GABRA4: variants seen among roughly 807,000 people sequenced by gnomAD.
GABRA4 encodes the protein gamma-aminobutyric acid type A receptor subunit alpha4.
A neutral mutation model predicts 49.7 loss-of-function variants in GABRA4; 12 were observed. The observed-to-expected ratio is 0.24, with a 90% CI of 0.15 to 0.39. The LOEUF (loss-of-function observed/expected upper bound fraction) is 0.39, where lower values mean the gene tolerates loss of function less well. GABRA4 is among the 10% of genes least tolerant of loss of function. The pLI is 1.00. For missense variants in GABRA4, 506 were observed against 686.0 expected, an observed-to-expected ratio of 0.74 and a Z score of 2.93; for synonymous variants, 288 against 240.2, an observed-to-expected ratio of 1.20 and a Z score of -1.84.
chr4:46,947,673 CAGAATA>C (rs1422502919), intron 8 of GABRA4, among the ~76,000 whole-genome samples: 2 of 152,054 alleles, frequency 1.3e-5, no homozygotes, highest in East Asian at 3.9e-4. Context: ...GATGAACAAA[CAGAATA>C]AGAAAAAGTC....
At chr4:46,986,458 T>G (rs1723541080) in intron 2 of GABRA4, among the ~76,000 whole-genome samples, 1 of 152,122 alleles carries the variant, frequency 6.6e-6, no homozygotes, top group Non-Finnish European at 1.5e-5. Flanking sequence ...TATTTTACTT[T>G]AGTTTTATAC....
chr4:46,937,462 G>T (rs939140424), intron 8 of GABRA4, among the ~76,000 whole-genome samples: 1 of 151,974 alleles, frequency 6.6e-6, no homozygotes, highest in South Asian at 2.1e-4. Context: ...CCACCTCAAC[G>T]TATCACTCTT....
chr4:46,967,123 G>T (rs184679822), intron 7 of GABRA4, among the ~76,000 whole-genome samples: 2 of 151,538 alleles, frequency 1.3e-5, no homozygotes, highest in African/African-American at 4.8e-5. Flanking sequence ...ATTTAATGGG[G>T]TATTAAGAAT....
intron 8 of GABRA4, among the ~76,000 whole-genome samples, chr4:46,960,945 A>G (rs562945889): frequency 6.6e-6 from 1 of 151,980 alleles, no homozygotes; most frequent in Admixed American, 6.6e-5. Context: ...AGTTTCCATG[A>G]CAAGAATCTT....
In GABRA4 at chr4:46,928,099, T is replaced by C. The variant is rs1369553401; in HGVS notation, c.*126A>G. On this transcript the variant is annotated 3_prime_UTR_variant, in exon 9 of 9. Transcript: ENST00000264318. ...ATTAACTCTCCCAATAACTGGCTTATATCTTTAAATGGAAAAATTACACAG... is the reference window on the plus strand; with the variant it reads ...ATTAACTCTCCCAATAACTGGCTTACATCTTTAAATGGAAAAATTACACAG... The C allele has an allele frequency of 1.2e-6, 1 of 830,840 alleles. No homozygotes were observed. The highest frequency in any genetic ancestry group is 2.2e-5 in the South Asian group (1 of 46,368). The allele number at this position is 830,840 out of a possible 1,614,324, so 51.5% of individuals were successfully genotyped here. A position where few individuals can be genotyped will look rare whatever the true frequency, so the allele number is the denominator to read the frequency against.
intron 8 of GABRA4, among the ~76,000 whole-genome samples, chr4:46,964,289 G>T (rs142873028): frequency 6.6e-6 from 1 of 151,730 alleles, no homozygotes; most frequent in African/African-American, 2.4e-5. Context: ...TTTGGTGGAG[G>T]GAAGATGGGG....
In GABRA4 at chr4:46,928,375, T is replaced by A; in HGVS notation, c.1515A>T (p.Pro505=). 6.2e-7 allele frequency: 1 copy of A among 1,613,666 alleles called. No individual in the cohort carries two copies. Among genetic ancestry groups the A allele is most frequent in the Non-Finnish European group, 8.5e-7 (1 of 1,179,698 alleles). ...CAGATCCAGAAGGTGGTGGAGCCGA[T>A]GGAGGAGGAGTAGCTGACAACTTCC... ...ATGKLSATPP[P]SAPPPSGSGT... Residue 505 remains proline (P), a synonymous_variant, in exon 9 of 9, where the codon CCA becomes CCT. Transcript: ENST00000264318.
At chr4:46,965,312 A>G (rs1722716885) in intron 7 of GABRA4, 83 bp from the exon 8 acceptor site, 2 of 1,199,610 alleles carry the variant, frequency 1.7e-6, no homozygotes. Context: ...AAAAACCTAG[A>G]AAATCATGTG....
At position 46,977,052 on chromosome 4, in the gene GABRA4, A is replaced by G. The variant is rs753845049; in HGVS notation, c.577+9T>C. ...CATAAATTCTAGCAAAATTTTTATT[A>G]TAACTTACAACTCCCGAATTTCAAA... On this transcript the variant is annotated intron_variant, in intron 5 of 8. Transcript: ENST00000264318. The G allele has an allele frequency of 2.2e-5, 35 of 1,570,010 alleles. No homozygotes were observed. In the South Asian group the frequency reaches 3.4e-4, roughly 15 times the overall value.
chr4:46,991,311 T>G (rs1723736378), intron 2 of GABRA4, among the ~76,000 whole-genome samples: 1 of 152,236 alleles, frequency 6.6e-6, no homozygotes, highest in African/African-American at 2.4e-5. Flanking sequence ...CTATCATTGA[T>G]GTACTATGTG....
Position 46,928,067 on chromosome 4 carries a change from G to A in GABRA4, c.*158C>T. On this transcript the variant is annotated 3_prime_UTR_variant, in exon 9 of 9. Transcript: ENST00000264318. ...AAAACATAGTTCACTTTTTCACTCA[G>A]GAATTAATTAACTCTCCCAATAACT... 1.6e-6 allele frequency: 1 copy of A among 612,116 alleles called. No individual in the cohort carries two copies. The highest frequency in any genetic ancestry group is 3.5e-5 in the Admixed American group (1 of 28,516). The allele number at this position is 612,116 out of a possible 1,614,324, so 37.9% of individuals were successfully genotyped here.
At chr4:46,945,008 T>C (rs1364664124) in intron 8 of GABRA4, among the ~76,000 whole-genome samples, 1 of 152,096 alleles carries the variant, frequency 6.6e-6, no homozygotes, top group Non-Finnish European at 1.5e-5. Context: ...TTAAAATAAA[T>C]CAACAACAAA....
Position 46,928,512 on chromosome 4 carries a change from G to T in GABRA4, c.1378C>A (p.Arg460=). ...GCCTTTCGAGGCATATATCCAGTTC[G>T]GATAGAAGTAGGAGAAGCAGATGGA... ...ALPSASPTSI[R]TGYMPRKASV... is the part of the protein sequence containing the mutation. The change falls in exon 9 of 9, where the codon CGA becomes AGA. Residue 460 remains arginine, a synonymous_variant. Transcript: ENST00000264318. The T allele has an allele frequency of 6.2e-7, 1 of 1,613,630 alleles. No individual in the cohort carries two copies. Among genetic ancestry groups the T allele is most frequent in the Non-Finnish European group, 8.5e-7 (1 of 1,179,734 alleles).
In GABRA4 at chr4:46,921,213, G is replaced by A. The variant is rs1446725411; in HGVS notation, c.*7012C>T. 6.6e-6 allele frequency: 1 copy of A among 151,240 alleles called. No individual in the cohort carries two copies. Among genetic ancestry groups the A allele is most frequent in the Admixed American group, 6.6e-5 (1 of 15,154 alleles). 9.4% of individuals were successfully genotyped at this position (151,240 alleles called of 1,614,324 possible). ...AGCATTTAAAAATTTTCCATTAAAT[G>A]TATCGTTATCCAAAAAGAAATTAAA... is the stretch of plus-strand genomic sequence containing the variant. On this transcript the variant is annotated 3_prime_UTR_variant, in exon 9 of 9. Transcript: ENST00000264318.
At chr4:46,984,216 A>T (rs928759878) in intron 2 of GABRA4, among the ~76,000 whole-genome samples, 4 of 152,042 alleles carry the variant, frequency 2.6e-5, no homozygotes, top group African/African-American at 9.7e-5. Context: ...CTCCCCAGCC[A>T]TGCACTTGAG....
At chr4:46,990,804 A>C (rs755885185) in intron 2 of GABRA4, among the ~76,000 whole-genome samples, 2 of 152,236 alleles carry the variant, frequency 1.3e-5, no homozygotes, top group Non-Finnish European at 2.9e-5. Context: ...AGGCAAATGC[A>C]GTGTAGGCAA....
At chr4:46,945,910 G>C (rs753285344) in intron 8 of GABRA4, among the ~76,000 whole-genome samples, 10 of 152,094 alleles carry the variant, frequency 6.6e-5, no homozygotes, top group African/African-American at 2.2e-4. Flanking sequence ...TTTCTAGGAA[G>C]AGACTGAAAG....
intron 8 of GABRA4, among the ~76,000 whole-genome samples, chr4:46,955,656 C>CA (rs1390611593): frequency 6.6e-6 from 1 of 151,986 alleles, no homozygotes; most frequent in Non-Finnish European, 1.5e-5. Flanking sequence ...ACAGTATTCC[C>CA]AACATACTGA....
At chr4:46,969,850 T>C (rs1722887921) in intron 7 of GABRA4, among the ~76,000 whole-genome samples, 1 of 151,522 alleles carries the variant, frequency 6.6e-6, no homozygotes, top group Non-Finnish European at 1.5e-5. Context: ...TAAAATTTAT[T>C]CAACACTTTG....
Sources: allele counts gnomAD v4.1 joint callset (sites outside exome capture counted in the v4.1 genomes callset), GRCh38; gene constraint gnomAD v4.1.1; transcripts MANE v1.5; gene names NCBI Gene and HGNC (gene_info 2026-07-23, HGNC 2026-07-21).